The following RBM27 variants were observed in gnomAD, a reference collection of about 807,000 sequenced individuals.
The protein encoded by RBM27 is RNA binding motif protein 27.
A neutral mutation model predicts 135.3 loss-of-function variants in RBM27; 22 were observed. That is an observed-to-expected ratio of 0.16 (90% CI 0.12 to 0.23). The LOEUF is 0.23. Among genes scored for constraint, RBM27 ranks in the 10% least tolerant of loss-of-function variants. RBM27 has a pLI of 1.00. For synonymous variants in RBM27, 481 were observed against 442.4 expected (o/e 1.09, Z -1.10); for missense variants, 1,009 against 1,281.0 (o/e 0.79, Z 3.24).
chr5:146,221,712 G>T (rs1377013839), intron 2 of RBM27, among the ~76,000 whole-genome samples: 3 of 152,078 alleles, frequency 2.0e-5, no homozygotes, highest in South Asian at 4.1e-4. Context: ...GATTACAGGC[G>T]TGAGCCACTG....
In RBM27 at chr5:146,231,397, A is replaced by G. The variant is rs138237522; in HGVS notation, c.850+480A>G. Among the ~76,000 whole-genome samples the G allele has an allele frequency of 3.1e-3, 471 of 151,342 alleles. 4 individuals are homozygous for G. The highest frequency in any genetic ancestry group is 0.011 in the African/African-American group (455 of 41,254). ...TGGGATTATAGGTGTGAGCCACCGC[A>G]CCATGCCTATAGTCCAAATTTTGTT... On this transcript the variant is annotated intron_variant, in intron 6 of 20. Transcript: ENST00000265271.
At position 146,269,518 on chromosome 5, in the gene RBM27, A is replaced by T. The variant is rs1758769047; in HGVS notation, c.2625A>T (p.Gln875His). 1.3e-6 allele frequency: 2 copies of T among 1,583,164 alleles called. No homozygotes were observed. Among genetic ancestry groups the T allele is most frequent in the East Asian group, 4.5e-5 (2 of 44,212 alleles). The part of the protein sequence containing the change: ...TLKELGEKIS[Q>H]LKDELKTSSA... ...AAGAGCTTGGAGAGAAGATCTCACAATTAAAAGATGAATTAAAAACATCTT... is the reference window on the plus strand; with the variant it reads ...AAGAGCTTGGAGAGAAGATCTCACATTTAAAAGATGAATTAAAAACATCTT... The change falls in exon 17 of 21, where the codon CAA (glutamine) becomes CAT (histidine). Residue 875 changes from glutamine (Q) to histidine (H), a missense_variant. Coordinates refer to ENST00000265271, the MANE Select transcript of RBM27 (RefSeq NM_018989.2).
At chr5:146,283,145 C>T (rs1759433482) in intron 19 of RBM27, among the ~76,000 whole-genome samples, 1 of 151,966 alleles carries the variant, frequency 6.6e-6, no homozygotes, top group African/African-American at 2.4e-5. Context: ...AAGAAATGAA[C>T]AAAACAAGCA....
chr5:146,278,521 TTC>T (rs569553588), intron 19 of RBM27, among the ~76,000 whole-genome samples: 3 of 152,136 alleles, frequency 2.0e-5, no homozygotes, highest in Non-Finnish European at 4.4e-5. Context: ...ATATTATTTG[TTC>T]TCTCTTTTAT....
intron 18 of RBM27, 66 bp from the exon 19 acceptor site, chr5:146,271,417 T>C: frequency 7.3e-7 from 1 of 1,364,554 alleles, no homozygotes; most frequent in Non-Finnish European, 9.9e-7. Context: ...AAAAAAAAAG[T>C]TTTCCTTTGT....
At chr5:146,255,497 T>C (rs1758064242) in intron 10 of RBM27, among the ~76,000 whole-genome samples, 1 of 152,166 alleles carries the variant, frequency 6.6e-6, no homozygotes, top group African/African-American at 2.4e-5. Context: ...ACTAATTATA[T>C]TGAGAATCTA....
chr5:146,228,431 G>T (rs986868352), intron 3 of RBM27, among the ~76,000 whole-genome samples: 7 of 151,710 alleles, frequency 4.6e-5, no homozygotes, highest in Non-Finnish European at 8.8e-5. Context: ...ACAGGCACGT[G>T]CCACCACACG....
chr5:146,278,179 T>C (rs1759172863), intron 19 of RBM27, among the ~76,000 whole-genome samples: 1 of 152,220 alleles, frequency 6.6e-6, no homozygotes, highest in Non-Finnish European at 1.5e-5. Context: ...GATTGATACA[T>C]GATGACTGGC....
chr5:146,219,159 T>G, intron 2 of RBM27, 56 bp downstream of exon 2: 1 of 1,313,692 alleles, frequency 7.6e-7, no homozygotes, highest in Non-Finnish European at 1.1e-6. Flanking sequence ...AGTTTAAAAC[T>G]TCCTGAAAAG....
At chr5:146,205,470 A>G (rs1435535154) in intron 1 of RBM27, among the ~76,000 whole-genome samples, 1 of 152,136 alleles carries the variant, frequency 6.6e-6, no homozygotes, top group Non-Finnish European at 1.5e-5. Context: ...GTGTGGAGGC[A>G]TGGTAAAGGA....
At chr5:146,260,637 C>T in intron 11 of RBM27, 108 bp from the exon 12 acceptor site, 2 of 866,336 alleles carry the variant, frequency 2.3e-6, no homozygotes, top group Non-Finnish European at 3.4e-6. Flanking sequence ...CCATGCCCAG[C>T]CACAAAAGGC....
chr5:146,246,307 G>A (rs1484289901), intron 8 of RBM27, among the ~76,000 whole-genome samples: 1 of 152,082 alleles, frequency 6.6e-6, no homozygotes, highest in Non-Finnish European at 1.5e-5. Context: ...ATTTTAGGTT[G>A]AATAAAGACT....
At position 146,255,042 on chromosome 5, in the gene RBM27, G is replaced by A. The variant is rs2126830331; in HGVS notation, c.1544G>A (p.Arg515His). 6 of 1,612,124 alleles carry A rather than the reference G, an allele frequency of 3.7e-6. No homozygotes were observed. The highest frequency in any genetic ancestry group is 5.1e-6 in the Non-Finnish European group (6 of 1,178,428). Residue 515 changes from arginine to histidine, a missense_variant, in exon 10 of 21, where the codon CGT becomes CAT. Arg to His is a conservative substitution (Grantham distance 29). Coordinates refer to ENST00000265271, the MANE Select transcript of RBM27 (RefSeq NM_018989.2). ...TTCTTTTCAAGAACTCAGACACAGCGTCCCAATCTGATTGGCCTAACATCT... is the reference window on the plus strand; with the variant it reads ...TTCTTTTCAAGAACTCAGACACAGCATCCCAATCTGATTGGCCTAACATCT... ...RQFFSRTQTQ[R>H]PNLIGLTSGD...
intron 3 of RBM27, among the ~76,000 whole-genome samples, chr5:146,225,948 T>C (rs1756655971): frequency 6.6e-6 from 1 of 151,780 alleles, no homozygotes; most frequent in Admixed American, 6.6e-5. Context: ...TTGCAACCTC[T>C]ACCTTTCAGG....
chr5:146,260,671 A>T, intron 11 of RBM27, 74 bp from the exon 12 acceptor site: 2 of 1,328,842 alleles, frequency 1.5e-6, no homozygotes, highest in Non-Finnish European at 2.0e-6. Flanking sequence ...ATAAACCTAA[A>T]TTCTTTGTGG....
At chr5:146,210,227 T>G (rs998141436) in intron 1 of RBM27, among the ~76,000 whole-genome samples, 1 of 152,220 alleles carries the variant, frequency 6.6e-6, no homozygotes, top group Non-Finnish European at 1.5e-5. Context: ...CATTCTCATA[T>G]GTATATACAG....
Position 146,219,118 on chromosome 5 carries a change from C to T in RBM27, c.178+15C>T. The T allele has an allele frequency of 1.3e-6, 2 of 1,510,624 alleles. No individual in the cohort carries two copies. The highest frequency in any genetic ancestry group is 1.8e-6 in the Non-Finnish European group (2 of 1,095,030). 93.6% of individuals were successfully genotyped at this position (1,510,624 alleles called of 1,614,324 possible). A position where few individuals can be genotyped will look rare whatever the true frequency, so the allele number is the denominator to read the frequency against. The stretch of plus-strand genomic sequence containing the variant: ...TTTACAAAAAGGTAATTATTATGGG[C>T]CTTCAATCGAGTATTGAAGTAAAGA... On this transcript the variant is annotated intron_variant, in intron 2 of 20. Transcript: ENST00000265271.
chr5:146,284,589 C>T (rs371474658), intron 19 of RBM27, 33 bp from the exon 20 acceptor site: 12 of 1,384,860 alleles, frequency 8.7e-6, no homozygotes, highest in Non-Finnish European at 1.2e-5. Flanking sequence ...AATTTGAGTG[C>T]AAACTTGTAT....
chr5:146,207,960 T>TTA (rs1554076666), intron 1 of RBM27, among the ~76,000 whole-genome samples: 3 of 143,050 alleles, frequency 2.1e-5, no homozygotes, highest in African/African-American at 7.8e-5. Context: ...GGTTTTTTTT[T>TTA]TTTTTTTTTT....
Sources: gnomAD v4.1 joint callset for allele counts (sites outside exome capture counted in the v4.1 genomes callset) on GRCh38, gnomAD v4.1.1 for gene constraint, MANE v1.5 for transcripts, NCBI Gene and HGNC (gene_info 2026-07-23, HGNC 2026-07-21) for gene names.